CNGB1: variants seen among roughly 807,000 people sequenced by gnomAD.
CNGB1 encodes cyclic nucleotide gated channel subunit beta 1.
Under a neutral mutation model 151.7 loss-of-function variants are expected in CNGB1, and 126 were observed. The observed-to-expected ratio is 0.83, with a 90% CI of 0.72 to 0.96. CNGB1 has a LOEUF of 0.96. CNGB1 is among the 40% of genes least tolerant of loss of function. The pLI is 0.00. For missense variants in CNGB1, 1,698 were observed against 1,627.0 expected, an observed-to-expected ratio of 1.04 and a Z score of -0.75; for synonymous variants, 623 against 635.1, an observed-to-expected ratio of 0.98 and a Z score of 0.29.
chr16:57,953,364 G>C (rs554651223), intron 12 of CNGB1, among the ~76,000 whole-genome samples: 11 of 151,958 alleles, frequency 7.2e-5, no homozygotes, highest in Admixed American at 5.2e-4. Flanking sequence ...GCGTGGTGGT[G>C]CACACTTGTA....
At chr16:57,938,555 C>T (rs914086417) in intron 16 of CNGB1, among the ~76,000 whole-genome samples, 2 of 152,172 alleles carry the variant, frequency 1.3e-5, no homozygotes, top group African/African-American at 4.8e-5. Flanking sequence ...ATTTGGAAGT[C>T]ATGGTTCAGA....
chr16:57,938,442 T>C (rs1308068575), intron 16 of CNGB1, among the ~76,000 whole-genome samples: 1 of 152,168 alleles, frequency 6.6e-6, no homozygotes, highest in Non-Finnish European at 1.5e-5. Flanking sequence ...TATTGACTCC[T>C]CCCTCAGTGC....
chr16:57,950,651 G>T, intron 12 of CNGB1, 111 bp from the exon 13 acceptor site: 1 of 1,128,818 alleles, frequency 8.9e-7, no homozygotes, highest in Non-Finnish European at 1.3e-6. Flanking sequence ...CAGTGCCTCA[G>T]TGCTTAGTCA....
intron 9 of CNGB1, among the ~76,000 whole-genome samples, 168 bp downstream of exon 9, chr16:57,960,314 G>A (rs1597013242): frequency 6.6e-6 from 1 of 152,298 alleles, no homozygotes; most frequent in East Asian, 1.9e-4. Flanking sequence ...GGACTGGGGA[G>A]GGGATTCTGG....
At chr16:57,964,600 C>T in intron 2 of CNGB1, 56 bp from the exon 3 acceptor site, 1 of 1,579,176 alleles carries the variant, frequency 6.3e-7, no homozygotes, top group Non-Finnish European at 8.7e-7. Flanking sequence ...CTGGTTTGGA[C>T]AGGGGCAGCC....
intron 4 of CNGB1, among the ~76,000 whole-genome samples, chr16:57,963,630 G>T (rs1457070004): frequency 6.6e-6 from 1 of 152,176 alleles, no homozygotes; most frequent in Non-Finnish European, 1.5e-5. Flanking sequence ...CCAACTGGGA[G>T]ATTCCATGCA....
At chr16:57,955,917 G>C (rs542451269) in intron 12 of CNGB1, among the ~76,000 whole-genome samples, 1 of 152,340 alleles carries the variant, frequency 6.6e-6, no homozygotes, top group South Asian at 2.1e-4. Flanking sequence ...GGGAGAATCA[G>C]TGTCTGTTGT....
chr16:57,915,260 G>C lies in CNGB1; in HGVS notation c.2293C>G (p.Arg765Gly). ...VGVNPLLRLP[R>G]CLKYMAFFEF... ...CCCAGCAGTCCTACCTTTAAACAGC[G>C]GGGCAGGCGGAGGAGGGGGTTCACA... The change falls in exon 23 of 33, where the codon CGC (arginine) becomes GGC (glycine). Residue 765 changes from arginine (R) to glycine (G), a missense_variant. Physicochemically the swap from Arg to Gly is moderately radical, Grantham distance 125. Coordinates refer to ENST00000251102, the MANE Select transcript of CNGB1 (RefSeq NM_001297.5). 1 of 1,613,764 alleles carries C rather than the reference G, an allele frequency of 6.2e-7. No individual in the cohort carries two copies. The highest frequency in any genetic ancestry group is 1.3e-5 in the African/African-American group (1 of 75,038).
At chr16:57,939,946 C>G (rs1254476648) in intron 15 of CNGB1, among the ~76,000 whole-genome samples, 1 of 152,206 alleles carries the variant, frequency 6.6e-6, no homozygotes, top group Admixed American at 6.5e-5. Context: ...CTGTAGCCCC[C>G]TCGTGCACAG....
chr16:57,929,476 G>GGAGAGA (rs59227159), intron 17 of CNGB1, among the ~76,000 whole-genome samples: 137 of 145,764 alleles, frequency 9.4e-4, no homozygotes, highest in African/African-American at 3.1e-3. Flanking sequence ...AGAGAGAGAG[G>GGAGAGA]GAGAGAGAGA....
In CNGB1 at chr16:57,884,056, C is replaced by T. The variant is rs1959829413; in HGVS notation, c.*108G>A. The T allele has an allele frequency of 6.6e-7, 1 of 1,524,514 alleles. No homozygotes were observed. Among genetic ancestry groups the T allele is most frequent in the African/African-American group, 1.4e-5 (1 of 73,260 alleles). 94.4% of individuals were successfully genotyped at this position (1,524,514 alleles called of 1,614,324 possible). A position where few individuals can be genotyped will look rare whatever the true frequency, so the allele number is the denominator to read the frequency against. On this transcript the variant is annotated 3_prime_UTR_variant, in exon 33 of 33. Transcript: ENST00000251102. ...CACTGAGGTCACGACTACGGAAAAG[C>T]ATCTTCTCTTGAGCCGTGGGGGAAG...
At chr16:57,911,670 C>A in intron 25 of CNGB1, 83 bp downstream of exon 25, 1 of 1,589,964 alleles carries the variant, frequency 6.3e-7, no homozygotes, top group Non-Finnish European at 8.6e-7. Flanking sequence ...CAATAAGACT[C>A]CTTCCTGGAG....
Position 57,920,495 on chromosome 16 carries a change from T to C in CNGB1, c.1693A>G (p.Asn565Asp), listed in dbSNP as rs777737761. The change falls in exon 19 of 33, where the codon AAC becomes GAC. Residue 565 changes from asparagine (N) to aspartate (D), a missense_variant. Physicochemically the swap from Asn to Asp is conservative, Grantham distance 23 (BLOSUM62 1). Transcript: ENST00000251102. ...TTCACCAGCTCCTGGAGCCGGTCGT[T>C]GATGATGGCGCTATTTGTGCTGGCC... Reference protein sequence around the residue: ...STASTNSAIINDRLQELVKLF... With the variant: ...STASTNSAIIDDRLQELVKLF... 5.0e-6 allele frequency: 8 copies of C among 1,614,004 alleles called. No individual in the cohort carries two copies. The Admixed American group carries it at 5.0e-5, about 10-fold the overall frequency.
At position 57,912,811 on chromosome 16, in the gene CNGB1, TTGTGTGTGTCG is replaced by T. The variant is rs1303592704; in HGVS notation, c.2369+108_2369+118del. 1.5e-4 allele frequency: 151 copies of T among 1,000,616 alleles called. 1 individual carries two copies. The highest frequency in any genetic ancestry group is 3.4e-4 in the Admixed American group (18 of 53,342). 62.0% of individuals were successfully genotyped at this position (1,000,616 alleles called of 1,614,324 possible). A position where few individuals can be genotyped will look rare whatever the true frequency, so the allele number is the denominator to read the frequency against. On this transcript the variant is annotated intron_variant, in intron 24 of 32. Coordinates refer to ENST00000251102, the MANE Select transcript of CNGB1 (RefSeq NM_001297.5). Reference sequence around the variant, plus strand: ...TGTATGTGTGTATGTTGTGTGTGTGTTGTGTGTGTCGTGTGTGTGTTGTGTGTGTGTCATCT... The same window carrying T: ...TGTATGTGTGTATGTTGTGTGTGTGTTGTGTGTGTTGTGTGTGTGTCATCT...
chr16:57,920,917 G>T (rs1427206285), intron 18 of CNGB1, among the ~76,000 whole-genome samples: 3 of 152,186 alleles, frequency 2.0e-5, no homozygotes, highest in Non-Finnish European at 4.4e-5. Context: ...TGAGATATGT[G>T]TCCAGGGGCA....
rs772675581 is a variant in CNGB1, at chr16:57,967,317, C to T, written c.-8-23G>A. On this transcript the variant is annotated intron_variant, in intron 1 of 32. Transcript: ENST00000251102. ...TGCCTGTAGGAGACAGAGTCCTTAG[C>T]CCTCCCTGGAGCACTCACAGTAGCT... 3.1e-6 allele frequency: 5 copies of T among 1,613,758 alleles called. No homozygotes were observed. The African/African-American group carries it at 5.3e-5, about 17-fold the overall frequency.
intron 32 of CNGB1, among the ~76,000 whole-genome samples, chr16:57,885,592 T>C (rs391226): frequency 0.21 from 23,158 of 109,242 alleles, 2,808 homozygotes; most frequent in East Asian, 0.31. Flanking sequence ...CTTTCTTTCT[T>C]TCTTTCTTTC....
At chr16:57,929,184 A>G (rs1961272895) in intron 17 of CNGB1, among the ~76,000 whole-genome samples, 1 of 152,246 alleles carries the variant, frequency 6.6e-6, no homozygotes, top group Non-Finnish European at 1.5e-5. Context: ...ATAGGCAAAG[A>G]ACTCGAATAG....
At chr16:57,965,402 C>A (rs913980837) in intron 2 of CNGB1, among the ~76,000 whole-genome samples, 2 of 152,140 alleles carry the variant, frequency 1.3e-5, no homozygotes, top group Non-Finnish European at 2.9e-5. Context: ...TACATACATG[C>A]GTATAACTGC....
Sources: gnomAD v4.1 joint callset for allele counts (sites outside exome capture counted in the v4.1 genomes callset) on GRCh38, gnomAD v4.1.1 for gene constraint, MANE v1.5 for transcripts, NCBI Gene and HGNC (gene_info 2026-07-23, HGNC 2026-07-21) for gene names.